MUSK: variants seen among roughly 807,000 people sequenced by gnomAD.
The protein encoded by MUSK is muscle, skeletal receptor tyrosine-protein kinase.
Under a neutral mutation model 88.7 loss-of-function variants are expected in MUSK, and 55 were observed. That is an observed-to-expected ratio of 0.62 (90% CI 0.50 to 0.78). MUSK has a LOEUF of 0.78. Ranked by LOEUF, MUSK falls within the 30% of genes least tolerant of loss-of-function variation. The pLI is 0.00. For missense variants in MUSK, 1,015 were observed against 1,074.3 expected, an observed-to-expected ratio of 0.94 and a Z score of 0.77; for synonymous variants, 387 against 391.9, an observed-to-expected ratio of 0.99 and a Z score of 0.15.
intron 14 of MUSK, chr9:110,788,089 A>C: frequency 2.2e-6 from 1 of 452,980 alleles, no homozygotes; most frequent in Middle Eastern, 3.1e-4. Context: ...AAAAATGTTT[A>C]AAATGTCCCC....
rs141410236 is a variant in MUSK at position 110,739,484 on chromosome 9, T to G, written c.753+5109T>G. Among the ~76,000 whole-genome samples, 260 of 152,294 alleles carry G rather than the reference T, an allele frequency of 1.7e-3. 1 individual carries two copies. Among genetic ancestry groups the G allele is most frequent in the African/African-American group, 6.0e-3 (248 of 41,576 alleles). Reference sequence around the variant, plus strand: ...TTTCCAGCCCCTCCAAAGGTCAAACTAATACAACGTGGCCTAGGATTCCAA... The same window carrying G: ...TTTCCAGCCCCTCCAAAGGTCAAACGAATACAACGTGGCCTAGGATTCCAA... On this transcript the variant is annotated intron_variant, in intron 6 of 14. Transcript: ENST00000374448.
Position 110,803,133 on chromosome 9 carries a change from G to A in MUSK, c.*2145G>A, listed in dbSNP as rs1266687278. ...TGATAAAGTTTTGTTGTAAAAGACA[G>A]ACATAGAAGTCAGGCTGACAGAAAA... is the stretch of plus-strand genomic sequence containing the variant. On this transcript the variant is annotated 3_prime_UTR_variant, in exon 15 of 15. Coordinates refer to ENST00000374448, the MANE Select transcript of MUSK (RefSeq NM_005592.4). Among the ~76,000 whole-genome samples, 2 of 152,166 alleles carry A rather than the reference G, an allele frequency of 1.3e-5. No homozygotes were observed. The highest frequency in any genetic ancestry group is 4.8e-5 in the African/African-American group (2 of 41,454).
intron 14 of MUSK, among the ~76,000 whole-genome samples, chr9:110,790,058 A>G (rs2077946508): frequency 6.6e-6 from 1 of 152,212 alleles, no homozygotes; most frequent in Admixed American, 6.5e-5. Flanking sequence ...TGAACAAGAA[A>G]AACAAACTAA....
At chr9:110,718,277 G>A (rs2076769865) in intron 5 of MUSK, among the ~76,000 whole-genome samples, 1 of 152,022 alleles carries the variant, frequency 6.6e-6, no homozygotes, top group African/African-American at 2.4e-5. Flanking sequence ...TCATGGTCTA[G>A]CTTCAAAAGC....
intron 5 of MUSK, among the ~76,000 whole-genome samples, chr9:110,713,751 A>G (rs1587943195): frequency 6.6e-6 from 1 of 152,148 alleles, no homozygotes; most frequent in African/African-American, 2.4e-5. Context: ...TATGGCTTCT[A>G]TTTATTTTTC....
In MUSK at chr9:110,791,251, T is replaced by TGC. The variant is rs1554756390; in HGVS notation, c.1927+3416_1927+3417dup. ...GACAGTGGGCGCAGGCCAGTGTGTG[T>TGC]GCGCACCGTGCGCGAGCCGAAGCAG... On this transcript the variant is annotated intron_variant, in intron 14 of 14. Transcript: ENST00000374448. 2.9e-5 allele frequency among the ~76,000 whole-genome samples: 4 copies of TGC among 137,538 alleles called. No individual in the cohort carries two copies. The East Asian group carries it at 8.5e-4, about 29-fold the overall frequency. The allele number at this position is 137,538 out of a possible 152,430, so 90.2% of individuals were successfully genotyped here.
intron 7 of MUSK, among the ~76,000 whole-genome samples, chr9:110,759,472 T>C (rs2077369830): frequency 6.6e-6 from 1 of 152,112 alleles, no homozygotes; most frequent in Admixed American, 6.5e-5. Flanking sequence ...ATCTGACAAA[T>C]GGAACTTAAT....
At chr9:110,704,900 A>G (rs7870026) in intron 5 of MUSK, among the ~76,000 whole-genome samples, 132,922 of 151,382 alleles carry the variant, frequency 0.88, 58,718 homozygotes, top group African/African-American at 0.96. Context: ...CAGGAAAATC[A>G]CTTGAACCCA....
At chr9:110,676,438 AG>A (rs2076031948) in intron 1 of MUSK, among the ~76,000 whole-genome samples, 1 of 149,668 alleles carries the variant, frequency 6.7e-6, no homozygotes, top group African/African-American at 2.5e-5. Flanking sequence ...CAGGATGTGC[AG>A]TTTTGTTACA....
intron 1 of MUSK, among the ~76,000 whole-genome samples, chr9:110,673,124 G>A (rs570983581): frequency 7.2e-5 from 11 of 152,228 alleles, no homozygotes; most frequent in South Asian, 2.1e-4. Context: ...AGTGAAAACC[G>A]GAAAGCAGAT....
At position 110,753,550 on chromosome 9, in the gene MUSK, A is replaced by G. The variant is rs185485049; in HGVS notation, c.913+5750A>G. ...GGTCCTTCATCAGAGAGTGCAGTCCATGGTTCTATCCATGTTTATCCAGTC... is the reference window on the plus strand; with the variant it reads ...GGTCCTTCATCAGAGAGTGCAGTCCGTGGTTCTATCCATGTTTATCCAGTC... On this transcript the variant is annotated intron_variant, in intron 7 of 14. Transcript: ENST00000374448. 1.9e-3 allele frequency among the ~76,000 whole-genome samples: 287 copies of G among 152,188 alleles called. 1 individual carries two copies. The Middle Eastern group carries it at 0.024, about 13-fold the overall frequency.
chr9:110,705,039 A>G (rs938356396), intron 5 of MUSK, among the ~76,000 whole-genome samples: 4 of 151,914 alleles, frequency 2.6e-5, no homozygotes, highest in East Asian at 1.9e-4. Context: ...TCTATTTTAT[A>G]CTTTATGTAG....
intron 3 of MUSK, among the ~76,000 whole-genome samples, chr9:110,689,398 T>C (rs1176774773): frequency 1.8e-5 from 2 of 113,042 alleles, no homozygotes; most frequent in Admixed American, 1.0e-4. Flanking sequence ...TAAAAATATG[T>C]GAAAAATACA....
At position 110,721,159 on chromosome 9, in the gene MUSK, G is replaced by C. The variant is rs576185351; in HGVS notation, c.629-13092G>C. ...TACTGAATGGGGAAAAGCTGAAAGTGTTACCCCTGAGAACTGAAACAAGAC... is the reference window on the plus strand; with the variant it reads ...TACTGAATGGGGAAAAGCTGAAAGTCTTACCCCTGAGAACTGAAACAAGAC... On this transcript the variant is annotated intron_variant, in intron 5 of 14. Coordinates refer to ENST00000374448, the MANE Select transcript of MUSK (RefSeq NM_005592.4). Among the ~76,000 whole-genome samples, 20 of 152,048 alleles carry C rather than the reference G, an allele frequency of 1.3e-4. 1 individual carries two copies. In the South Asian group the frequency reaches 4.2e-3, roughly 32 times the overall value.
intron 4 of MUSK, among the ~76,000 whole-genome samples, chr9:110,697,066 A>AAT (rs770562270): frequency 8.1e-5 from 12 of 148,244 alleles, no homozygotes; most frequent in Middle Eastern, 3.6e-3. Flanking sequence ...TTATATATAT[A>AAT]ATATATATAT....
chr9:110,673,978 T>C (rs972178959), intron 1 of MUSK, among the ~76,000 whole-genome samples: 10 of 152,184 alleles, frequency 6.6e-5, no homozygotes, highest in Non-Finnish European at 1.2e-4. Flanking sequence ...ATGAGCATAT[T>C]CTATATTATT....
intron 2 of MUSK, among the ~76,000 whole-genome samples, chr9:110,684,962 T>C (rs114263910): frequency 1.5e-3 from 236 of 152,272 alleles, no homozygotes; most frequent in African/African-American, 5.2e-3. Flanking sequence ...AATATCTTTC[T>C]CTTGTCTGAT....
chr9:110,785,688 A>T lies in MUSK; in HGVS notation c.1748A>T (p.Glu583Val), dbSNP rs754231881. ...NNIEYVRDIG[E>V]GAFGRVFQAR... ...ATTGAATATGTGAGAGACATCGGAG[A>T]GGGAGCGTTTGGAAGGGTGTTTCAA... Residue 583 changes from glutamate (E) to valine (V), a missense_variant, in exon 13 of 15, where the codon GAG becomes GTG. By Grantham distance (121) the Glu-to-Val change is moderately radical (BLOSUM62 -2). Transcript: ENST00000374448. 1 of 1,608,770 alleles carries T rather than the reference A, an allele frequency of 6.2e-7. No homozygotes were observed.
intron 3 of MUSK, among the ~76,000 whole-genome samples, chr9:110,689,027 T>C (rs914651013): frequency 7.1e-6 from 1 of 141,280 alleles, no homozygotes; most frequent in South Asian, 2.1e-4. Context: ...TAAATATAAA[T>C]ACGTATAACT....
Sources: gnomAD v4.1 joint callset for allele counts (sites outside exome capture counted in the v4.1 genomes callset) on GRCh38, gnomAD v4.1.1 for gene constraint, MANE v1.5 for transcripts, NCBI Gene and HGNC (gene_info 2026-07-23, HGNC 2026-07-21) for gene names.